DNAH17: variants seen among roughly 807,000 people sequenced by gnomAD.
DNAH17 encodes dynein axonemal heavy chain 17, also known as axonemal beta dynein heavy chain 17.
In DNAH17, 376 loss-of-function variants were observed where a neutral mutation model predicts 485.6. The observed-to-expected ratio is 0.77, with a 90% confidence interval of 0.71 to 0.84. The LOEUF (loss-of-function observed/expected upper bound fraction) is 0.84, where lower values mean the gene tolerates loss of function less well. DNAH17 is among the 40% of genes least tolerant of loss of function. DNAH17 has a pLI of 0.00. For missense variants in DNAH17, 6,370 were observed against 5,839.3 expected (o/e 1.09, Z -2.96); for synonymous variants, 3,031 against 2,405.9 (o/e 1.26, Z -7.60).
In DNAH17 at chr17:78,433,927, AGGAGGGAG is replaced by A. The variant is rs1054831893; in HGVS notation, c.12225+94_12225+101del. The A allele has an allele frequency of 8.2e-5, 65 of 791,258 alleles. No homozygotes were observed. In the Middle Eastern group the frequency reaches 2.8e-3, roughly 34 times the overall value. The allele number at this position is 791,258 out of a possible 1,614,324, so 49.0% of individuals were successfully genotyped here. A position where few individuals can be genotyped will look rare whatever the true frequency, so the allele number is the denominator to read the frequency against. ...GACCAAAAGGAAAGGGAGGGAAGGA[AGGAGGGAG>A]GGAAGGAGGGAGGGAAGGAGGGAGG... On this transcript the variant is annotated intron_variant, in intron 75 of 80. Transcript: ENST00000389840.
At chr17:78,545,034 T>TC in intron 16 of DNAH17, among the ~76,000 whole-genome samples, 1 of 152,116 alleles carries the variant, frequency 6.6e-6, no homozygotes, top group South Asian at 2.1e-4. Flanking sequence ...TCACCTTTCC[T>TC]CCTCCTCACG....
intron 27 of DNAH17, among the ~76,000 whole-genome samples, chr17:78,509,504 A>T (rs1359860726): frequency 6.6e-6 from 1 of 152,208 alleles, no homozygotes; most frequent in African/African-American, 2.4e-5. Context: ...TATGTGAATT[A>T]TATCTAATAA....
chr17:78,571,752 C>A lies in DNAH17; in HGVS notation c.570G>T (p.Leu190=). The change falls in exon 4 of 81, where the codon CTG becomes CTT. Residue 190 remains leucine, a synonymous_variant. Coordinates refer to ENST00000389840, the MANE Select transcript of DNAH17 (RefSeq NM_173628.4). ...RIPSSLDNLL[L]HAIETTIIDW... ...CGATGATGGTGGTTTCAATGGCGTG[C>A]AGGAGCAAGTTGTCCAGTGAAGAGG... The A allele has an allele frequency of 6.2e-7, 1 of 1,604,682 alleles. No individual in the cohort carries two copies. The highest frequency in any genetic ancestry group is 1.1e-5 in the South Asian group (1 of 89,372).
rs2091944708 is a variant in DNAH17, at chr17:78,553,283, G to GGTTTTTTTTTTTTT, written c.2179-479_2179-478insAAAAAAAAAAAAAC. Among the ~76,000 whole-genome samples the GGTTTTTTTTTTTTT allele has an allele frequency of 2.0e-4, 10 of 51,032 alleles. 1 individual carries two copies. Among genetic ancestry groups the GGTTTTTTTTTTTTT allele is most frequent in the African/African-American group, 5.4e-4 (6 of 11,096 alleles). The allele number at this position is 51,032 out of a possible 152,430, so 33.5% of individuals were successfully genotyped here. ...AAATTACCCAGTCCCAGGTTTTTGT[G>GGTTTTTTTTTTTTT]TTTTTTTTTTTTTTTTTTTTTTTTT... On this transcript the variant is annotated intron_variant, in intron 14 of 80. Coordinates refer to ENST00000389840, the MANE Select transcript of DNAH17 (RefSeq NM_173628.4).
intron 16 of DNAH17, among the ~76,000 whole-genome samples, chr17:78,547,428 T>C (rs1229703115): frequency 6.6e-6 from 1 of 152,178 alleles, no homozygotes; most frequent in East Asian, 1.9e-4. Context: ...GTGGGCTACC[T>C]GCTTGGTAGA....
rs764791791 is a variant in DNAH17, at chr17:78,429,110, G to C, written c.12405+11C>G. The C allele has an allele frequency of 1.9e-6, 3 of 1,610,228 alleles. No individual in the cohort carries two copies. Among genetic ancestry groups the C allele is most frequent in the South Asian group, 2.2e-5 (2 of 91,022 alleles). The stretch of plus-strand genomic sequence containing the variant: ...ATTACGTTGAGCTCCTGTTTAACTT[G>C]TCATCCTTACCTTGTAGTCCAGGTT... On this transcript the variant is annotated intron_variant, in intron 76 of 80. Transcript: ENST00000389840.
intron 30 of DNAH17, among the ~76,000 whole-genome samples, chr17:78,506,378 T>C (rs2090485758): frequency 6.6e-6 from 1 of 152,084 alleles, no homozygotes; most frequent in Admixed American, 6.6e-5. Context: ...TTTAACCAGC[T>C]GACCAGAGCA....
Position 78,437,835 on chromosome 17 carries a change from G to C in DNAH17, c.11839C>G (p.Leu3947Val). 1 of 1,611,584 alleles carries C rather than the reference G, an allele frequency of 6.2e-7. No homozygotes were observed. The highest frequency in any genetic ancestry group is 2.2e-5 in the East Asian group (1 of 44,852). ...IHLVARWLGT[L>V]DKKLEHYSTG... ...CTGTAGTGCTCCAGCTTCTTGTCCAGTGTTCCCAGCCACCGGGCCACCAGG... is the reference window on the plus strand; with the variant it reads ...CTGTAGTGCTCCAGCTTCTTGTCCACTGTTCCCAGCCACCGGGCCACCAGG... Residue 3947 changes from leucine (L) to valine (V), a missense_variant, in exon 74 of 81, where the codon CTG becomes GTG. By Grantham distance (32) the Leu-to-Val change is conservative (BLOSUM62 1). Coordinates refer to ENST00000389840, the MANE Select transcript of DNAH17 (RefSeq NM_173628.4).
In DNAH17 at chr17:78,425,200, A is replaced by AG. The variant is rs2086385396; in HGVS notation, c.13141+145dup. The stretch of plus-strand genomic sequence containing the variant: ...TAGGGTCAGCGTGGCTCTGACCTGC[A>AG]GGCTGATGCCCCCTGAGAGCACCTC... On this transcript the variant is annotated intron_variant, in intron 80 of 80. Coordinates refer to ENST00000389840, the MANE Select transcript of DNAH17 (RefSeq NM_173628.4). 4.0e-6 allele frequency: 3 copies of AG among 753,800 alleles called. No individual in the cohort carries two copies. In the Admixed American group the frequency reaches 8.2e-5, roughly 21 times the overall value. 46.7% of individuals were successfully genotyped at this position (753,800 alleles called of 1,614,324 possible).
chr17:78,538,685 C>CT (rs1410212044), intron 18 of DNAH17, among the ~76,000 whole-genome samples: 5 of 152,170 alleles, frequency 3.3e-5, no homozygotes, highest in Non-Finnish European at 7.3e-5. Context: ...ACTGGGACTT[C>CT]TTTATGGTTT....
chr17:78,466,405 C>T (rs1177751526), intron 56 of DNAH17, among the ~76,000 whole-genome samples: 1 of 151,856 alleles, frequency 6.6e-6, no homozygotes, highest in African/African-American at 2.4e-5. Flanking sequence ...GCCAAGTCCC[C>T]CTCTGTGAGA....
At chr17:78,428,962 C>A (rs1016407314) in intron 76 of DNAH17, among the ~76,000 whole-genome samples, 159 bp downstream of exon 76, 28 of 147,148 alleles carry the variant, frequency 1.9e-4, no homozygotes, top group Non-Finnish European at 3.6e-4. Flanking sequence ...TTTGTATTAG[C>A]CTTGTGCTTC....
At chr17:78,480,579 C>T (rs540235139) in intron 49 of DNAH17, 105 bp downstream of exon 49, 8 of 872,888 alleles carry the variant, frequency 9.2e-6, no homozygotes, top group East Asian at 3.0e-5. Context: ...CAGAAAATGT[C>T]GGCCTGCAGC....
Position 78,495,103 on chromosome 17 carries a change from G to T in DNAH17, c.5904-6C>A. Reference sequence around the variant, plus strand: ...GGACGACCATGGCACAGGGCCTGGGGAGGTCAGCGGTGCCTGTGGGCTTCT... The same window carrying T: ...GGACGACCATGGCACAGGGCCTGGGTAGGTCAGCGGTGCCTGTGGGCTTCT... On this transcript the variant is annotated splice_region_variant and splice_polypyrimidine_tract_variant and intron_variant, in intron 38 of 80. Coordinates refer to ENST00000389840, the MANE Select transcript of DNAH17 (RefSeq NM_173628.4). The T allele has an allele frequency of 6.3e-7, 1 of 1,598,268 alleles. No individual in the cohort carries two copies. Among genetic ancestry groups the T allele is most frequent in the Non-Finnish European group, 8.5e-7 (1 of 1,171,788 alleles).
chr17:78,450,412 G>C lies in DNAH17; in HGVS notation c.10900-18C>G, dbSNP rs1267528163. The C allele has an allele frequency of 9.9e-6, 16 of 1,613,060 alleles. No homozygotes were observed. Among genetic ancestry groups the C allele is most frequent in the Non-Finnish European group, 1.0e-5 (12 of 1,179,680 alleles). ...TCCACCACCTCGACACAAACAAAAGGGGTGTGAATGACACAGCAGATGGGC... is the reference window on the plus strand; with the variant it reads ...TCCACCACCTCGACACAAACAAAAGCGGTGTGAATGACACAGCAGATGGGC... On this transcript the variant is annotated intron_variant, in intron 67 of 80. Coordinates refer to ENST00000389840, the MANE Select transcript of DNAH17 (RefSeq NM_173628.4).
intron 62 of DNAH17, among the ~76,000 whole-genome samples, chr17:78,456,626 G>A (rs898420943): frequency 6.6e-6 from 1 of 152,170 alleles, no homozygotes; most frequent in African/African-American, 2.4e-5. Context: ...CCATCTTGAG[G>A]ACTGGTCCCT....
intron 56 of DNAH17, among the ~76,000 whole-genome samples, chr17:78,463,361 C>T (rs1009969555): frequency 3.3e-5 from 5 of 152,234 alleles, no homozygotes; most frequent in African/African-American, 1.2e-4. Flanking sequence ...TACACACACA[C>T]GTATATGTGC....
Position 78,486,418 on chromosome 17 carries a change from G to A in DNAH17, c.6907C>T (p.Leu2303=). The part of the protein sequence containing the change: ...ILFDKYLPTC[L]DKLRFGFKKI... ...TTGAACCCAAAGCGCAACTTGTCCA[G>A]GCACGTGGGCAGGTACTTGTCAAAG... The change falls in exon 45 of 81, where the codon CTG becomes TTG. Residue 2303 remains leucine, a synonymous_variant. Coordinates refer to ENST00000389840, the MANE Select transcript of DNAH17 (RefSeq NM_173628.4). The A allele has an allele frequency of 1.2e-6, 2 of 1,613,808 alleles. No homozygotes were observed. The highest frequency in any genetic ancestry group is 1.1e-5 in the South Asian group (1 of 91,090).
At chr17:78,459,312 G>T in intron 60 of DNAH17, 104 bp from the exon 61 acceptor site, 1 of 1,090,766 alleles carries the variant, frequency 9.2e-7, no homozygotes, top group Admixed American at 1.7e-5. Flanking sequence ...GCTCTGGAGG[G>T]GCAGCGCTGG....
Sources: allele counts gnomAD v4.1 joint callset (sites outside exome capture counted in the v4.1 genomes callset), GRCh38; gene constraint gnomAD v4.1.1; transcripts MANE v1.5; gene names NCBI Gene and HGNC (gene_info 2026-07-23, HGNC 2026-07-21).